The following COL6A6 variants were observed in gnomAD, a reference collection of about 807,000 sequenced individuals.
COL6A6 encodes collagen alpha-6(VI) chain.
A neutral mutation model predicts 208.6 loss-of-function variants in COL6A6; 183 were observed. The observed-to-expected ratio is 0.88, with a 90% CI of 0.78 to 0.99. The LOEUF is 0.99. Among genes scored for constraint, COL6A6 ranks in the 50% least tolerant of loss-of-function variants. COL6A6 has a pLI of 0.00. For synonymous variants in COL6A6, 973 were observed against 1,011.8 expected (o/e 0.96, Z 0.73); for missense variants, 2,816 against 2,815.2 (o/e 1.00, Z -0.01).
intron 33 of COL6A6, among the ~76,000 whole-genome samples, chr3:130,650,166 G>A (rs970114945): frequency 2.6e-5 from 4 of 152,132 alleles, no homozygotes; most frequent in Admixed American, 1.3e-4. Flanking sequence ...AAAATATCCC[G>A]TTAATAGTGG....
At chr3:130,613,182 AT>A (rs1365239870) in intron 23 of COL6A6, among the ~76,000 whole-genome samples, 1 of 152,078 alleles carries the variant, frequency 6.6e-6, no homozygotes, top group African/African-American at 2.4e-5. Flanking sequence ...TCTTGAGTTG[AT>A]TTTTGTATAT....
At chr3:130,611,395 C>T (rs768803362) in intron 23 of COL6A6, among the ~76,000 whole-genome samples, 3 of 152,156 alleles carry the variant, frequency 2.0e-5, no homozygotes, top group Non-Finnish European at 2.9e-5. Flanking sequence ...TTTAATAGAA[C>T]GGCCCTACAT....
chr3:130,653,113 G>A (rs146543833), intron 33 of COL6A6, among the ~76,000 whole-genome samples: 1 of 152,164 alleles, frequency 6.6e-6, no homozygotes, highest in African/African-American at 2.4e-5. Flanking sequence ...TGCTTATTTT[G>A]TCCCTAGGAA....
At chr3:130,580,794 A>G (rs372585385) in intron 8 of COL6A6, among the ~76,000 whole-genome samples, 1 of 152,208 alleles carries the variant, frequency 6.6e-6, no homozygotes, top group African/African-American at 2.4e-5. Flanking sequence ...TTTCCCTAGA[A>G]TTAATAAGAA....
chr3:130,620,222 A>G (rs192927285), intron 23 of COL6A6, among the ~76,000 whole-genome samples: 59 of 152,206 alleles, frequency 3.9e-4, no homozygotes, highest in Non-Finnish European at 8.2e-4. Flanking sequence ...TTTAGGAGTC[A>G]TTGTGTAGAA....
chr3:130,521,530 A>G (rs1165099027), intron 1 of COL6A6, among the ~76,000 whole-genome samples: 2 of 152,246 alleles, frequency 1.3e-5, no homozygotes, highest in African/African-American at 4.8e-5. Flanking sequence ...TGAAGATGAC[A>G]TTATACACTG....
intron 29 of COL6A6, among the ~76,000 whole-genome samples, chr3:130,642,276 TG>T (rs2065336592): frequency 6.6e-6 from 1 of 151,564 alleles, no homozygotes; most frequent in Non-Finnish European, 1.5e-5. Context: ...TGTGTGTGTG[TG>T]TGTGTGTGTA....
intron 2 of COL6A6, among the ~76,000 whole-genome samples, chr3:130,561,980 C>T (rs1469665318): frequency 1.3e-5 from 2 of 152,212 alleles, no homozygotes; most frequent in African/African-American, 4.8e-5. Flanking sequence ...GAAGAAAAAA[C>T]TAAGGCCCAA....
chr3:130,558,882 A>G (rs1261090244), intron 1 of COL6A6, among the ~76,000 whole-genome samples: 2 of 152,238 alleles, frequency 1.3e-5, no homozygotes, highest in Non-Finnish European at 2.9e-5. Flanking sequence ...CATTGAGTTT[A>G]ATCTGCAGGG....
intron 11 of COL6A6, 92 bp from the exon 12 acceptor site, chr3:130,588,996 CTG>C (rs901030143): frequency 5.4e-5 from 35 of 648,940 alleles, no homozygotes; most frequent in Admixed American, 2.5e-4. Flanking sequence ...GCTTCTGAAA[CTG>C]TGGTAGAAGT....
rs954435892 is a variant in COL6A6, at chr3:130,635,554, C to G, written c.5029-145C>G. 5.1e-6 allele frequency: 3 copies of G among 588,646 alleles called. No homozygotes were observed. In the African/African-American group the frequency reaches 5.6e-5, roughly 11 times the overall value. The allele number at this position is 588,646 out of a possible 1,614,324, so 36.5% of individuals were successfully genotyped here. ...ATGTAGAGAGTTACACAAATGGAAA[C>G]ACACACACTCACACTCTTCAAAGAT... On this transcript the variant is annotated intron_variant, in intron 27 of 36. Coordinates refer to ENST00000358511, the MANE Select transcript of COL6A6 (RefSeq NM_001102608.3).
chr3:130,653,270 T>G (rs1173411675), intron 33 of COL6A6, among the ~76,000 whole-genome samples: 1 of 152,204 alleles, frequency 6.6e-6, no homozygotes. Flanking sequence ...TATTTTACAC[T>G]GCTGTGTGGC....
chr3:130,544,802 A>G (rs1230169041), intron 1 of COL6A6, among the ~76,000 whole-genome samples: 1 of 152,146 alleles, frequency 6.6e-6, no homozygotes, highest in African/African-American at 2.4e-5. Context: ...ACACTTTTTC[A>G]TATACCTGTT....
intron 36 of COL6A6, among the ~76,000 whole-genome samples, chr3:130,666,091 C>A (rs2108475708): frequency 6.6e-6 from 1 of 152,092 alleles, no homozygotes; most frequent in South Asian, 2.1e-4. Flanking sequence ...GAACACCTTG[C>A]CTACATTGTT....
intron 33 of COL6A6, among the ~76,000 whole-genome samples, chr3:130,652,697 T>C (rs940213410): frequency 9.2e-5 from 14 of 152,234 alleles, no homozygotes; most frequent in Non-Finnish European, 1.8e-4. Context: ...CTTGCCGCCT[T>C]CTTTCTTTTA....
chr3:130,593,361 C>T (rs1339378178), intron 17 of COL6A6, 109 bp downstream of exon 17: 1 of 816,914 alleles, frequency 1.2e-6, no homozygotes, highest in African/African-American at 1.7e-5. Context: ...TTGTGACAGT[C>T]ATAAAACCTC....
Position 130,574,115 on chromosome 3 carries a change from A to T in COL6A6, c.3137A>T (p.Asp1046Val). 2 of 1,613,986 alleles carry T rather than the reference A, an allele frequency of 1.2e-6. No homozygotes were observed. The highest frequency in any genetic ancestry group is 1.7e-6 in the Non-Finnish European group (2 of 1,179,880). Residue 1046 changes from aspartate (D) to valine (V), a missense_variant, in exon 8 of 37, where the codon GAT becomes GTT. Physicochemically the swap from Asp to Val is radical, Grantham distance 152. Transcript: ENST00000358511. ...CGAATAGGAGCGGCCCAGTTTAGCG[A>T]TACCTATCACCCGGAGTTTCCACTG... Reference protein sequence around the residue: ...RVRIGAAQFSDTYHPEFPLGT... With the variant: ...RVRIGAAQFSVTYHPEFPLGT...
intron 7 of COL6A6, among the ~76,000 whole-genome samples, 183 bp from the exon 8 acceptor site, chr3:130,573,773 G>T (rs1288553583): frequency 6.6e-6 from 1 of 151,854 alleles, no homozygotes; most frequent in Non-Finnish European, 1.5e-5. Flanking sequence ...GTTTCACCAT[G>T]TTAGCCAGGA....
At chr3:130,556,850 CT>C (rs1313409144) in intron 1 of COL6A6, among the ~76,000 whole-genome samples, 3 of 152,166 alleles carry the variant, frequency 2.0e-5, no homozygotes, top group African/African-American at 7.2e-5. Context: ...TCCCTTGCTA[CT>C]GCCAGCCCTT....
Sources: allele counts gnomAD v4.1 joint callset (sites outside exome capture counted in the v4.1 genomes callset), GRCh38; gene constraint gnomAD v4.1.1; transcripts MANE v1.5; gene names NCBI Gene and HGNC (gene_info 2026-07-23, HGNC 2026-07-21).